The following LAMA2 variants were observed in gnomAD, a reference collection of about 807,000 sequenced individuals.
LAMA2 encodes laminin subunit alpha-2.
LAMA2 carries 269 observed loss-of-function variants against 364.8 expected under a neutral mutation model. That is an observed-to-expected ratio of 0.74 (90% CI 0.67 to 0.82). The LOEUF is 0.82. Ranked by LOEUF, LAMA2 falls within the 40% of genes least tolerant of loss-of-function variation. The pLI, the probability that LAMA2 is intolerant of heterozygous loss-of-function variation, is 0.00. For synonymous variants in LAMA2, 1,379 were observed against 1,370.6 expected (o/e 1.01, Z -0.14); for missense variants, 3,807 against 3,873.2 (o/e 0.98, Z 0.45).
chr6:129,111,211 A>G (rs1043708908), intron 4 of LAMA2, among the ~76,000 whole-genome samples: 2 of 151,982 alleles, frequency 1.3e-5, no homozygotes, highest in African/African-American at 4.8e-5. Context: ...GATGTGTACT[A>G]TTTTGCAACA....
intron 32 of LAMA2, among the ~76,000 whole-genome samples, chr6:129,363,437 C>T (rs902236795): frequency 6.6e-6 from 1 of 151,834 alleles, no homozygotes; most frequent in Non-Finnish European, 1.5e-5. Context: ...TTCCAATGGG[C>T]AGCCAAAGGT....
intron 18 of LAMA2, among the ~76,000 whole-genome samples, chr6:129,281,947 T>C (rs1261636302): frequency 6.6e-6 from 1 of 152,134 alleles, no homozygotes; most frequent in Non-Finnish European, 1.5e-5. Flanking sequence ...GAGGGAAACA[T>C]TTTTTGTTTG....
At chr6:129,181,808 A>T (rs891783122) in intron 10 of LAMA2, among the ~76,000 whole-genome samples, 2 of 151,956 alleles carry the variant, frequency 1.3e-5, no homozygotes, top group Non-Finnish European at 2.9e-5. Context: ...GAGAAGAATG[A>T]TCATGAGTTA....
In LAMA2 at chr6:128,910,123, G is replaced by A. The variant is rs185557125; in HGVS notation, c.112+26766G>A. Among the ~76,000 whole-genome samples the A allele has an allele frequency of 9.2e-5, 14 of 152,054 alleles. 1 individual carries two copies. The East Asian group carries it at 2.7e-3, about 29-fold the overall frequency. Reference sequence around the variant, plus strand: ...TCTGACAATTATGTGTCTTGGAGTTGCTTTTCTCGAGAAGTATCTTTGTGG... The same window carrying A: ...TCTGACAATTATGTGTCTTGGAGTTACTTTTCTCGAGAAGTATCTTTGTGG... On this transcript the variant is annotated intron_variant, in intron 1 of 64. Coordinates refer to ENST00000421865, the MANE Select transcript of LAMA2 (RefSeq NM_000426.4).
intron 1 of LAMA2, among the ~76,000 whole-genome samples, chr6:129,017,472 TA>T (rs1450526865): frequency 8.9e-6 from 1 of 112,062 alleles, no homozygotes; most frequent in South Asian, 3.1e-4. Context: ...TTATGGAAGA[TA>T]AAAGGTTTTC....
chr6:129,429,827 C>A (rs1451797031), intron 41 of LAMA2, among the ~76,000 whole-genome samples: 3 of 152,112 alleles, frequency 2.0e-5, no homozygotes, highest in Non-Finnish European at 2.9e-5. Context: ...GCCGTGCCCT[C>A]GCCTCTATTT....
intron 12 of LAMA2, among the ~76,000 whole-genome samples, chr6:129,201,584 C>A (rs1188706325): frequency 6.6e-6 from 1 of 152,172 alleles, no homozygotes; most frequent in Non-Finnish European, 1.5e-5. Context: ...ACTCTAGGTT[C>A]ACCCCAACAA....
intron 1 of LAMA2, among the ~76,000 whole-genome samples, chr6:129,023,313 C>T (rs1009962795): frequency 6.6e-6 from 1 of 152,108 alleles, no homozygotes; most frequent in Non-Finnish European, 1.5e-5. Flanking sequence ...CTTTTTAATT[C>T]TCTTCCACCA....
At chr6:129,423,565 A>G (rs1288889886) in intron 40 of LAMA2, among the ~76,000 whole-genome samples, 2 of 152,024 alleles carry the variant, frequency 1.3e-5, no homozygotes, top group Admixed American at 6.6e-5. Context: ...ATAAAATGCT[A>G]TCTATTAAAA....
intron 20 of LAMA2, chr6:129,292,690 G>C: frequency 2.3e-6 from 1 of 440,062 alleles, no homozygotes; most frequent in Admixed American, 6.4e-5. Flanking sequence ...GCATTTCTCC[G>C]ATGTCAAACT....
intron 12 of LAMA2, among the ~76,000 whole-genome samples, chr6:129,193,392 CT>C (rs1781646766): frequency 6.6e-6 from 1 of 152,204 alleles, no homozygotes; most frequent in Non-Finnish European, 1.5e-5. Context: ...AGAAACTACC[CT>C]AAAAGTGCCA....
intron 1 of LAMA2, among the ~76,000 whole-genome samples, chr6:128,933,376 A>G (rs1262497268): frequency 6.6e-6 from 1 of 152,160 alleles, no homozygotes; most frequent in East Asian, 1.9e-4. Context: ...TGCTATGAAC[A>G]TGTGGATGCA....
At chr6:129,419,056 AT>A (rs879882869) in intron 40 of LAMA2, among the ~76,000 whole-genome samples, 1,576 of 146,524 alleles carry the variant, frequency 0.011, 29 homozygotes, top group African/African-American at 0.035. Flanking sequence ...GGCTTTAGTG[AT>A]TTTTTTTTTT....
chr6:129,337,739 A>C (rs1776035037), intron 29 of LAMA2, among the ~76,000 whole-genome samples: 1 of 152,168 alleles, frequency 6.6e-6, no homozygotes, highest in Admixed American at 6.5e-5. Context: ...TGTGCAAAAA[A>C]AAACTTAACA....
intron 1 of LAMA2, among the ~76,000 whole-genome samples, chr6:128,939,507 C>G (rs540816529): frequency 6.6e-6 from 1 of 152,196 alleles, no homozygotes; most frequent in East Asian, 1.9e-4. Context: ...GTATCTGACA[C>G]ATAGTACAAA....
At chr6:129,268,062 C>T (rs1458386422) in intron 16 of LAMA2, among the ~76,000 whole-genome samples, 1 of 152,058 alleles carries the variant, frequency 6.6e-6, no homozygotes, top group Non-Finnish European at 1.5e-5. Context: ...AATGTTCTAT[C>T]TTTCTCTTGC....
intron 10 of LAMA2, among the ~76,000 whole-genome samples, chr6:129,189,078 G>C (rs914398251): frequency 6.6e-6 from 1 of 152,016 alleles, no homozygotes; most frequent in Non-Finnish European, 1.5e-5. Context: ...TATTTTCTCA[G>C]ACTATAAAGT....
Position 129,169,295 on chromosome 6 carries a change from G to C in LAMA2, c.1306+3620G>C, listed in dbSNP as rs538171811. 2.7e-5 allele frequency among the ~76,000 whole-genome samples: 4 copies of C among 148,260 alleles called. No homozygotes were observed. The East Asian group carries it at 7.8e-4, about 29-fold the overall frequency. ...CCCATTCTGTATGATACTGGCTGTG[G>C]GTTTGTCATAGATAGCTCTTAATAT... On this transcript the variant is annotated intron_variant, in intron 9 of 64. Coordinates refer to ENST00000421865, the MANE Select transcript of LAMA2 (RefSeq NM_000426.4).
At chr6:129,147,375 C>A (rs1778529202) in intron 6 of LAMA2, among the ~76,000 whole-genome samples, 1 of 149,928 alleles carries the variant, frequency 6.7e-6, no homozygotes, top group African/African-American at 2.5e-5. Context: ...CATCAATCAA[C>A]CTGACCATTT....
Sources: allele counts gnomAD v4.1 joint callset (sites outside exome capture counted in the v4.1 genomes callset), GRCh38; gene constraint gnomAD v4.1.1; transcripts MANE v1.5; gene names NCBI Gene and HGNC (gene_info 2026-07-23, HGNC 2026-07-21).